CBFA2T3: variants seen among roughly 807,000 people sequenced by gnomAD.
The protein encoded by CBFA2T3 is transcriptional corepressor CBFA2T3.
A neutral mutation model predicts 58.6 loss-of-function variants in CBFA2T3; 31 were observed. The observed-to-expected ratio is 0.53, with a 90% CI of 0.40 to 0.71. The LOEUF (loss-of-function observed/expected upper bound fraction) is 0.71. Ranked by LOEUF, CBFA2T3 falls within the 30% of genes least tolerant of loss-of-function variation. CBFA2T3 has a pLI of 0.00. For missense variants in CBFA2T3, 1,076 were observed against 963.1 expected, an observed-to-expected ratio of 1.12 and a Z score of -1.55; for synonymous variants, 531 against 421.9, an observed-to-expected ratio of 1.26 and a Z score of -3.17.
At chr16:88,894,706 C>T (rs1267876538) in intron 3 of CBFA2T3, among the ~76,000 whole-genome samples, 2 of 152,276 alleles carry the variant, frequency 1.3e-5, no homozygotes, top group Admixed American at 6.5e-5. Context: ...CCACCCCTCA[C>T]CCGTGCTGAG....
chr16:88,916,232 G>GTA (rs1970719897), intron 1 of CBFA2T3, among the ~76,000 whole-genome samples: 1 of 112,724 alleles, frequency 8.9e-6, no homozygotes, highest in African/African-American at 3.9e-5. Context: ...ATGTGGGTGT[G>GTA]TGTATTCATG....
At chr16:88,931,435 G>C (rs939629820) in intron 1 of CBFA2T3, among the ~76,000 whole-genome samples, 2 of 152,168 alleles carry the variant, frequency 1.3e-5, no homozygotes, top group Non-Finnish European at 2.9e-5. Context: ...GGACCGGTCT[G>C]TGGCAAGTGA....
chr16:88,970,209 G>C (rs571978837), intron 1 of CBFA2T3, among the ~76,000 whole-genome samples: 1 of 152,244 alleles, frequency 6.6e-6, no homozygotes, highest in Non-Finnish European at 1.5e-5. Flanking sequence ...GCCCCAAGCC[G>C]GCAGCCTTGC....
In CBFA2T3 at chr16:88,924,031, G is replaced by A. The variant is rs532721385; in HGVS notation, c.152-22375C>T. ...CAGCCATGGTTACAGCAAAGACCGC[G>A]GGTGGAGGTGGGGGCGTGGTCAGGC... On this transcript the variant is annotated intron_variant, in intron 1 of 11. Transcript: ENST00000268679. Among the ~76,000 whole-genome samples the A allele has an allele frequency of 1.8e-4, 28 of 152,320 alleles. 1 individual carries two copies. The highest frequency in any genetic ancestry group is 1.1e-3 in the Admixed American group (17 of 15,304).
chr16:88,901,894 G>C (rs1970113412), intron 1 of CBFA2T3, among the ~76,000 whole-genome samples: 1 of 152,188 alleles, frequency 6.6e-6, no homozygotes, highest in African/African-American at 2.4e-5. Context: ...CTGGAGCTGG[G>C]GCCCTCGGTG....
chr16:88,972,162 G>A lies in CBFA2T3; in HGVS notation c.151+4495C>T, dbSNP rs560576621. ...GGATGGGCTGGTATGGGGAAGGAGCGGAGCATTCCAGCAGCCACTGAGGCC... is the reference window on the plus strand; with the variant it reads ...GGATGGGCTGGTATGGGGAAGGAGCAGAGCATTCCAGCAGCCACTGAGGCC... On this transcript the variant is annotated intron_variant, in intron 1 of 11. Transcript: ENST00000268679. 3.9e-5 allele frequency among the ~76,000 whole-genome samples: 6 copies of A among 152,242 alleles called. No individual in the cohort carries two copies. In the South Asian group the frequency reaches 1.0e-3, roughly 26 times the overall value.
chr16:88,936,120 T>A (rs1971490607), intron 1 of CBFA2T3, among the ~76,000 whole-genome samples: 1 of 152,142 alleles, frequency 6.6e-6, no homozygotes, highest in South Asian at 2.1e-4. Flanking sequence ...CACCCTGGCT[T>A]TCCCGGGTAC....
At chr16:88,970,405 G>A (rs117068486) in intron 1 of CBFA2T3, among the ~76,000 whole-genome samples, 1,780 of 152,308 alleles carry the variant, frequency 0.012, 17 homozygotes, top group Non-Finnish European at 0.018. Context: ...CTCCTGAGAT[G>A]CGACCTCAGC....
chr16:88,894,478 GCACA>G (rs202059577), intron 3 of CBFA2T3, among the ~76,000 whole-genome samples: 2 of 110,244 alleles, frequency 1.8e-5, no homozygotes, highest in Non-Finnish European at 3.4e-5. Flanking sequence ...ATATACACAT[GCACA>G]CAATGTACAC....
chr16:88,929,766 A>G (rs8060666), intron 1 of CBFA2T3, among the ~76,000 whole-genome samples: 14,577 of 118,758 alleles, frequency 0.12, 2 homozygotes, highest in Non-Finnish European at 0.17. Flanking sequence ...CCACAGCTGC[A>G]TGGTCCACGC....
At chr16:88,912,292 C>T (rs1273401790) in intron 1 of CBFA2T3, among the ~76,000 whole-genome samples, 5 of 152,234 alleles carry the variant, frequency 3.3e-5, no homozygotes, top group Non-Finnish European at 4.4e-5. Flanking sequence ...ACCCAGGGCT[C>T]GCCAAAGAAA....
chr16:88,920,922 C>A (rs769332632), intron 1 of CBFA2T3, among the ~76,000 whole-genome samples: 1 of 152,270 alleles, frequency 6.6e-6, no homozygotes, highest in African/African-American at 2.4e-5. Context: ...ACTGGGGAGG[C>A]ATCTTGGAGA....
chr16:88,935,298 C>G (rs997119441), intron 1 of CBFA2T3, among the ~76,000 whole-genome samples: 1 of 152,170 alleles, frequency 6.6e-6, no homozygotes, highest in Non-Finnish European at 1.5e-5. Context: ...GGCTGTGGAG[C>G]CCTGGTGTGG....
At chr16:88,892,160 T>C (rs879547087) in intron 4 of CBFA2T3, 84 bp downstream of exon 4, 16 of 1,505,224 alleles carry the variant, frequency 1.1e-5, no homozygotes, top group East Asian at 2.3e-5. Context: ...GTGGAGCCCA[T>C]GTAAGGAGTG....
intron 3 of CBFA2T3, among the ~76,000 whole-genome samples, chr16:88,893,899 G>T (rs558954287): frequency 6.6e-6 from 1 of 152,284 alleles, no homozygotes; most frequent in African/African-American, 2.4e-5. Context: ...CGGCCTCCAG[G>T]CTCTGAAGGC....
intron 1 of CBFA2T3, among the ~76,000 whole-genome samples, chr16:88,945,586 GC>G (rs1490470589): frequency 2.6e-5 from 4 of 152,216 alleles, no homozygotes; most frequent in Non-Finnish European, 5.9e-5. Context: ...CAGCAGCCTT[GC>G]CACTAGAGAG....
In CBFA2T3 at chr16:88,881,501, C is replaced by T. The variant is rs1257211869; in HGVS notation, c.1204-12G>A. Reference sequence around the variant, plus strand: ...ATGCAGTTCAGGAGCTGGGGGCGGGCGGCGCAGCCTTCAGCACCTCAGAGG... The same window carrying T: ...ATGCAGTTCAGGAGCTGGGGGCGGGTGGCGCAGCCTTCAGCACCTCAGAGG... On this transcript the variant is annotated splice_polypyrimidine_tract_variant and intron_variant, in intron 8 of 11. Coordinates refer to ENST00000268679, the MANE Select transcript of CBFA2T3 (RefSeq NM_005187.6). 13 of 1,595,568 alleles carry T rather than the reference C, an allele frequency of 8.1e-6. No individual in the cohort carries two copies. Among genetic ancestry groups the T allele is most frequent in the African/African-American group, 2.7e-5 (2 of 74,524 alleles).
chr16:88,928,862 C>G (rs1971176389), intron 1 of CBFA2T3, among the ~76,000 whole-genome samples: 1 of 152,236 alleles, frequency 6.6e-6, no homozygotes, highest in African/African-American at 2.4e-5. Context: ...AGCTGGGAGC[C>G]ACGCAGGCGT....
chr16:88,888,413 G>A (rs1465208644), intron 5 of CBFA2T3, among the ~76,000 whole-genome samples: 1 of 115,270 alleles, frequency 8.7e-6, no homozygotes, highest in African/African-American at 3.5e-5. Context: ...GCCTGGGAAG[G>A]TCGGACTCCC....
Sources: allele counts gnomAD v4.1 joint callset (sites outside exome capture counted in the v4.1 genomes callset), GRCh38; gene constraint gnomAD v4.1.1; transcripts MANE v1.5; gene names NCBI Gene and HGNC (gene_info 2026-07-23, HGNC 2026-07-21).